Variants in SNX13 observed in about 807,000 individuals in gnomAD.
The protein encoded by SNX13 is sorting nexin-13.
SNX13 carries 45 observed loss-of-function variants against 133.6 expected under a neutral mutation model. The ratio of observed to expected loss-of-function variants is 0.34; its 90% CI spans 0.27 to 0.43. The LOEUF is 0.43. Among genes scored for constraint, SNX13 ranks in the 20% least tolerant of loss-of-function variants. SNX13 has a pLI of 1.00. For synonymous variants in SNX13, 414 were observed against 373.9 expected (o/e 1.11, Z -1.24); for missense variants, 1,032 against 1,145.1 (o/e 0.90, Z 1.43).
At chr7:17,897,983 A>G (rs1449446866) in intron 1 of SNX13, 1 of 152,064 alleles carries the variant, frequency 6.6e-6, no homozygotes, top group Non-Finnish European at 1.5e-5. Context: ...TTACGTATAG[A>G]AACTCATACA....
intron 11 of SNX13, among the ~76,000 whole-genome samples, chr7:17,848,595 G>A (rs1032126569): frequency 6.6e-6 from 1 of 152,312 alleles, no homozygotes; most frequent in South Asian, 2.1e-4. Context: ...GGCCTGAACA[G>A]AGTTTGCTCT....
At chr7:17,807,279 C>T (rs894928413) in intron 20 of SNX13, among the ~76,000 whole-genome samples, 14 of 151,894 alleles carry the variant, frequency 9.2e-5, no homozygotes, top group African/African-American at 2.9e-4. Context: ...GGGGGAGGGG[C>T]GCCCAGCTAG....
chr7:17,908,864 A>T (rs1246254662), intron 1 of SNX13, among the ~76,000 whole-genome samples: 5 of 152,158 alleles, frequency 3.3e-5, no homozygotes, highest in African/African-American at 1.2e-4. Flanking sequence ...CTCAGCTAGA[A>T]AGGGTGGGGC....
Position 17,893,428 on chromosome 7 carries a change from T to G in SNX13, c.132A>C (p.Leu44Phe). The change falls in exon 3 of 26, where the codon TTA becomes TTC. Residue 44 changes from leucine (L) to phenylalanine (F), a missense_variant. Coordinates refer to ENST00000428135, the MANE Select transcript of SNX13 (RefSeq NM_015132.5). ...FYILCFVGGG[L>F]VVTLLFGKTN... ...TTTTTCCAAACAGGAGAGTAACCAC[T>G]AAACCCCTAGAAAGAAAAATTTAAT... 5.2e-6 allele frequency: 8 copies of G among 1,546,378 alleles called. No homozygotes were observed. The highest frequency in any genetic ancestry group is 7.0e-6 in the Non-Finnish European group (8 of 1,143,296).
At chr7:17,869,853 G>C (rs778276603) in intron 8 of SNX13, among the ~76,000 whole-genome samples, 20 of 147,008 alleles carry the variant, frequency 1.4e-4, no homozygotes, top group Non-Finnish European at 2.8e-4. Context: ...CACTTTGTTA[G>C]GAGAAAATTT....
intron 1 of SNX13, among the ~76,000 whole-genome samples, chr7:17,927,284 C>G (rs1800870063): frequency 6.6e-6 from 1 of 151,136 alleles, no homozygotes; most frequent in Non-Finnish European, 1.5e-5. Flanking sequence ...ACTCTGTTGC[C>G]CAGGCTAGAG....
In SNX13 at chr7:17,791,170, A is replaced by C. The variant is rs903055964; in HGVS notation, c.*2875T>G. ...TTAAGCTACATCTCAAAAAATTAAA[A>C]ATTCATTTATCTTACAATTACTCAA... On this transcript the variant is annotated 3_prime_UTR_variant, in exon 26 of 26. Coordinates refer to ENST00000428135, the MANE Select transcript of SNX13 (RefSeq NM_015132.5). The C allele has an allele frequency of 7.9e-5, 12 of 152,014 alleles. No homozygotes were observed. Among genetic ancestry groups the C allele is most frequent in the Non-Finnish European group, 1.5e-4 (10 of 67,914 alleles). 9.4% of individuals were successfully genotyped at this position (152,014 alleles called of 1,614,324 possible).
chr7:17,843,533 A>G (rs954177405), intron 12 of SNX13, among the ~76,000 whole-genome samples: 3 of 152,050 alleles, frequency 2.0e-5, no homozygotes, highest in Non-Finnish European at 4.4e-5. Flanking sequence ...CAGACAGAAG[A>G]TAAGTATGGA....
chr7:17,899,941 C>T lies in SNX13; in HGVS notation c.13-2495G>A, dbSNP rs557182563. ...ACAGTCTGGGCTTGTTTGTCCCAGT[C>T]CTTCTTGGGAAGGCTTTCCAGGTAT... is the stretch of plus-strand genomic sequence containing the variant. On this transcript the variant is annotated intron_variant, in intron 1 of 25. Coordinates refer to ENST00000428135, the MANE Select transcript of SNX13 (RefSeq NM_015132.5). 3.3e-5 allele frequency: 5 copies of T among 152,246 alleles called. No individual in the cohort carries two copies. The East Asian group carries it at 9.7e-4, about 30-fold the overall frequency. The allele number at this position is 152,246 out of a possible 1,614,324, so 9.4% of individuals were successfully genotyped here. A position where few individuals can be genotyped will look rare whatever the true frequency, so the allele number is the denominator to read the frequency against.
At chr7:17,904,164 A>G (rs781440025) in intron 1 of SNX13, among the ~76,000 whole-genome samples, 26 of 152,224 alleles carry the variant, frequency 1.7e-4, no homozygotes, top group Non-Finnish European at 1.8e-4. Context: ...TTGATCCTAA[A>G]AAGATATTTA....
chr7:17,940,035 C>T (rs937946621), intron 1 of SNX13, among the ~76,000 whole-genome samples: 1 of 152,152 alleles, frequency 6.6e-6, no homozygotes, highest in African/African-American at 2.4e-5. Flanking sequence ...GGAGGGAGAC[C>T]AGTGCCAGGG....
chr7:17,807,194 A>G (rs1300409765), intron 20 of SNX13, among the ~76,000 whole-genome samples: 2 of 152,226 alleles, frequency 1.3e-5, no homozygotes, highest in Admixed American at 6.5e-5. Flanking sequence ...CCAGCAAGCT[A>G]TAAGATCCAC....
At chr7:17,847,529 A>C (rs893481909) in intron 11 of SNX13, among the ~76,000 whole-genome samples, 10 of 152,182 alleles carry the variant, frequency 6.6e-5, no homozygotes, top group Non-Finnish European at 1.3e-4. Context: ...AGGAGTTTAA[A>C]TACACTGTAA....
intron 1 of SNX13, among the ~76,000 whole-genome samples, chr7:17,913,129 G>T (rs1312935274): frequency 6.6e-6 from 1 of 152,202 alleles, no homozygotes; most frequent in Non-Finnish European, 1.5e-5. Context: ...CTAACCCTTG[G>T]CAGGGACTGC....
At chr7:17,842,412 C>T (rs1562747663) in intron 12 of SNX13, among the ~76,000 whole-genome samples, 1 of 151,880 alleles carries the variant, frequency 6.6e-6, no homozygotes, top group Non-Finnish European at 1.5e-5. Flanking sequence ...TAAACAAAAG[C>T]AAAGGAAGCA....
Position 17,839,864 on chromosome 7 carries a change from G to C in SNX13, c.1302C>G (p.Thr434=), listed in dbSNP as rs1789659515. Residue 434 remains threonine (T), a synonymous_variant, in exon 13 of 26, where the codon ACC becomes ACG. Transcript: ENST00000428135. ...QRDGKHQTNQ[T]KGLLRAAAVG... ...CAGCAGCTGCTCTTAAAAGACCTTT[G>C]GTTTGGTTGGTTTGATGTTTTCCAT... 1.2e-6 allele frequency: 2 copies of C among 1,611,450 alleles called. No individual in the cohort carries two copies. Among genetic ancestry groups the C allele is most frequent in the African/African-American group, 1.3e-5 (1 of 74,700 alleles).
intron 1 of SNX13, among the ~76,000 whole-genome samples, chr7:17,915,200 G>C (rs940433569): frequency 3.3e-5 from 5 of 152,112 alleles, no homozygotes; most frequent in African/African-American, 1.2e-4. Context: ...CCCAACATTG[G>C]AGCACCCAGA....
At chr7:17,832,779 G>T (rs1788657908) in intron 15 of SNX13, among the ~76,000 whole-genome samples, 1 of 151,340 alleles carries the variant, frequency 6.6e-6, no homozygotes, top group Non-Finnish European at 1.5e-5. Flanking sequence ...TAAACTTATA[G>T]AGTATTAATT....
rs560113240 is a variant in SNX13, at chr7:17,925,922, C to T, written c.12+14362G>A. Among the ~76,000 whole-genome samples the T allele has an allele frequency of 3.3e-5, 5 of 152,324 alleles. No individual in the cohort carries two copies. The South Asian group carries it at 1.0e-3, about 32-fold the overall frequency. On this transcript the variant is annotated intron_variant, in intron 1 of 25. Coordinates refer to ENST00000428135, the MANE Select transcript of SNX13 (RefSeq NM_015132.5). ...CTGGTTCTAACTGGGAAAATTTGCACATACCAAGTATTAGATTATAATTGG... is the reference window on the plus strand; with the variant it reads ...CTGGTTCTAACTGGGAAAATTTGCATATACCAAGTATTAGATTATAATTGG...
Sources: allele counts gnomAD v4.1 joint callset (sites outside exome capture counted in the v4.1 genomes callset), GRCh38; gene constraint gnomAD v4.1.1; transcripts MANE v1.5; gene names NCBI Gene and HGNC (gene_info 2026-07-23, HGNC 2026-07-21).